The following KAZN variants were observed in gnomAD, a reference collection of about 807,000 sequenced individuals.
KAZN encodes kazrin.
Under a neutral mutation model 87.4 loss-of-function variants are expected in KAZN, and 40 were observed. The ratio of observed to expected loss-of-function variants is 0.46; its 90% CI spans 0.36 to 0.60. The LOEUF (loss-of-function observed/expected upper bound fraction) is 0.60, where lower values mean the gene tolerates loss of function less well. Among genes scored for constraint, KAZN ranks in the 20% least tolerant of loss-of-function variants. KAZN has a pLI of 0.00. For synonymous variants in KAZN, 466 were observed against 458.3 expected, an observed-to-expected ratio of 1.02 and a Z score of -0.22; for missense variants, 898 against 1,073.9, an observed-to-expected ratio of 0.84 and a Z score of 2.29.
intron 1 of KAZN, among the ~76,000 whole-genome samples, chr1:14,031,918 T>A (rs1242284636): frequency 6.6e-6 from 1 of 150,900 alleles, no homozygotes; most frequent in Admixed American, 6.6e-5. Context: ...ACCATCTTCA[T>A]ACCCTTAACA....
intron 2 of KAZN, among the ~76,000 whole-genome samples, chr1:14,511,579 G>A (rs1350039894): frequency 2.6e-5 from 4 of 152,092 alleles, no homozygotes; most frequent in Admixed American, 2.0e-4. Flanking sequence ...ATCATTCACC[G>A]GGCAGAATTA....
chr1:14,878,920 A>C (rs2101090545), intron 1 of KAZN, among the ~76,000 whole-genome samples: 1 of 152,370 alleles, frequency 6.6e-6, no homozygotes, highest in Non-Finnish European at 1.5e-5. Context: ...AGCTGGCCTC[A>C]TCTTCCCCAA....
At chr1:14,967,094 G>A (rs752387832) in intron 2 of KAZN, among the ~76,000 whole-genome samples, 6 of 152,164 alleles carry the variant, frequency 3.9e-5, no homozygotes, top group South Asian at 2.1e-4. Context: ...CGATGGTCAC[G>A]GTGAACTCGA....
chr1:14,919,377 A>G (rs915662891), intron 1 of KAZN, among the ~76,000 whole-genome samples: 4 of 152,206 alleles, frequency 2.6e-5, no homozygotes, highest in African/African-American at 9.6e-5. Flanking sequence ...GGGTTTCACC[A>G]TGTTGGCCAG....
chr1:14,231,548 T>C (rs1429919903), intron 2 of KAZN, among the ~76,000 whole-genome samples: 1 of 152,162 alleles, frequency 6.6e-6, no homozygotes, highest in Non-Finnish European at 1.5e-5. Context: ...TGTATCTGAG[T>C]CCTAGCTTTG....
At chr1:14,312,203 T>C (rs190152792) in intron 2 of KAZN, among the ~76,000 whole-genome samples, 20 of 152,308 alleles carry the variant, frequency 1.3e-4, no homozygotes, top group Admixed American at 1.2e-3. Context: ...TGCTCAGCTG[T>C]GTGACATTAG....
intron 2 of KAZN, among the ~76,000 whole-genome samples, chr1:14,988,850 C>T (rs914840734): frequency 3.3e-5 from 5 of 152,146 alleles, no homozygotes; most frequent in Admixed American, 6.5e-5. Flanking sequence ...CACGGCCCTC[C>T]GGGGCTTCTC....
intron 2 of KAZN, among the ~76,000 whole-genome samples, chr1:14,268,071 C>T (rs936308681): frequency 6.6e-6 from 1 of 152,178 alleles, no homozygotes; most frequent in Non-Finnish European, 1.5e-5. Flanking sequence ...GGCTCAATAC[C>T]TCTGTGTGAG....
rs146784649 is a variant in KAZN, at chr1:14,579,251, A to G, written c.250-19732A>G. 6.3e-4 allele frequency among the ~76,000 whole-genome samples: 96 copies of G among 152,308 alleles called. 1 individual carries two copies. The highest frequency in any genetic ancestry group is 3.5e-3 in the South Asian group (17 of 4,826). On this transcript the variant is annotated intron_variant, in intron 2 of 16. Coordinates refer to the KAZN transcript ENST00000636203. Reference sequence around the variant, plus strand: ...TTGTTGTAATAATTAGATTTCTATGAGATAAAATGAGAGGAGAAATGCAAG... The same window carrying G: ...TTGTTGTAATAATTAGATTTCTATGGGATAAAATGAGAGGAGAAATGCAAG...
In KAZN at chr1:14,600,791, A is replaced by G. The variant is rs537575732; in HGVS notation, c.226+1568A>G. On this transcript the variant is annotated intron_variant, in intron 1 of 14. Transcript: ENST00000376030. Reference sequence around the variant, plus strand: ...TTTTGCTAAGAATCAAAAGCTGTATAGTAAAGGACACTGAACAATGCTCGT... The same window carrying G: ...TTTTGCTAAGAATCAAAAGCTGTATGGTAAAGGACACTGAACAATGCTCGT... 7.2e-5 allele frequency among the ~76,000 whole-genome samples: 11 copies of G among 152,340 alleles called. No homozygotes were observed. In the South Asian group the frequency reaches 2.3e-3, roughly 32 times the overall value.
At chr1:14,655,414 T>G (rs1171291539) in intron 1 of KAZN, among the ~76,000 whole-genome samples, 1 of 152,222 alleles carries the variant, frequency 6.6e-6, no homozygotes, top group Non-Finnish European at 1.5e-5. Flanking sequence ...CTTCTTCTTT[T>G]CATAATTATC....
chr1:14,250,649 G>A (rs1649939239), intron 2 of KAZN, among the ~76,000 whole-genome samples: 1 of 151,818 alleles, frequency 6.6e-6, no homozygotes. Flanking sequence ...TATAGAGCTT[G>A]GGGGCTTTAG....
intron 1 of KAZN, among the ~76,000 whole-genome samples, chr1:13,930,519 G>C (rs1019599723): frequency 6.6e-6 from 1 of 151,888 alleles, no homozygotes; most frequent in African/African-American, 2.4e-5. Context: ...CCTTTCTCTT[G>C]TCTCCCCTTC....
intron 1 of KAZN, among the ~76,000 whole-genome samples, chr1:14,625,905 G>T (rs1269870877): frequency 6.6e-6 from 1 of 152,190 alleles, no homozygotes; most frequent in African/African-American, 2.4e-5. Context: ...TTTTCTCCCT[G>T]GCCGCACCCA....
intron 1 of KAZN, among the ~76,000 whole-genome samples, chr1:14,838,019 A>T (rs1255124776): frequency 6.6e-6 from 1 of 151,044 alleles, no homozygotes; most frequent in African/African-American, 2.4e-5. Context: ...GAAGAACAGG[A>T]ACTTATTTCT....
intron 2 of KAZN, among the ~76,000 whole-genome samples, chr1:14,542,521 C>T (rs1295546787): frequency 6.6e-6 from 1 of 152,090 alleles, no homozygotes; most frequent in Non-Finnish European, 1.5e-5. Context: ...CCCAGAAAAT[C>T]AAACATAGAT....
intron 1 of KAZN, among the ~76,000 whole-genome samples, chr1:14,925,366 A>C (rs1257445006): frequency 6.6e-6 from 1 of 152,220 alleles, no homozygotes; most frequent in Non-Finnish European, 1.5e-5. Context: ...CACCAGGTCC[A>C]AGTTCTGAAT....
chr1:14,147,813 A>C (rs1465772857), intron 1 of KAZN, among the ~76,000 whole-genome samples: 1 of 151,852 alleles, frequency 6.6e-6, no homozygotes, highest in African/African-American at 2.4e-5. Flanking sequence ...AAAACAACAA[A>C]AAAACTAAAG....
At chr1:14,872,132 G>C (rs1350014575) in intron 1 of KAZN, among the ~76,000 whole-genome samples, 2 of 152,168 alleles carry the variant, frequency 1.3e-5, no homozygotes, top group African/African-American at 2.4e-5. Flanking sequence ...TCTTTGGAAG[G>C]AATAATGGAC....
Sources: gnomAD v4.1 joint callset for allele counts (sites outside exome capture counted in the v4.1 genomes callset) on GRCh38, gnomAD v4.1.1 for gene constraint, MANE v1.5 for transcripts, NCBI Gene and HGNC (gene_info 2026-07-23, HGNC 2026-07-21) for gene names.